Variants in KALRN observed in about 807,000 individuals in gnomAD.
KALRN encodes kalirin RhoGEF kinase.
In KALRN, 70 loss-of-function variants were observed where a neutral mutation model predicts 353.7. The observed-to-expected ratio is 0.20, with a 90% CI of 0.16 to 0.24. The LOEUF is 0.24. Ranked by LOEUF, KALRN falls within the 10% of genes least tolerant of loss-of-function variation. KALRN has a pLI of 1.00. For synonymous variants in KALRN, 1,391 were observed against 1,434.8 expected (o/e 0.97, Z 0.69); for missense variants, 2,791 against 3,756.7 (o/e 0.74, Z 6.72).
At chr3:124,425,526 G>A (rs1010276276) in intron 15 of KALRN, among the ~76,000 whole-genome samples, 3 of 152,186 alleles carry the variant, frequency 2.0e-5, no homozygotes, top group Non-Finnish European at 4.4e-5. Context: ...ACCTGTCTGA[G>A]GTCAGCAGGG....
chr3:124,433,914 G>T (rs1415266178), intron 16 of KALRN, among the ~76,000 whole-genome samples: 1 of 152,156 alleles, frequency 6.6e-6, no homozygotes, highest in African/African-American at 2.4e-5. Context: ...AAATGGGACT[G>T]CAGTAGTAAC....
chr3:124,041,404 A>G (rs1047731264), intron 1 of KALRN, among the ~76,000 whole-genome samples: 3 of 152,020 alleles, frequency 2.0e-5, no homozygotes, highest in Admixed American at 1.3e-4. Context: ...TCCAAATTGA[A>G]CATTCTATTA....
chr3:124,082,427 T>G, intron 1 of KALRN: 2 of 387,962 alleles, frequency 5.2e-6, no homozygotes, highest in South Asian at 4.0e-5. Flanking sequence ...TTCTCCAGAA[T>G]CCCACAGCTG....
At chr3:124,633,639 GTGT>G (rs771219449) in intron 35 of KALRN, among the ~76,000 whole-genome samples, 24,578 of 64,822 alleles carry the variant, frequency 0.38, 2,502 homozygotes, top group East Asian at 0.54. Flanking sequence ...TTTTGGGGGT[GTGT>G]GTGTGTGTGT....
intron 1 of KALRN, among the ~76,000 whole-genome samples, chr3:124,111,112 G>A (rs1447567739): frequency 6.6e-6 from 1 of 152,068 alleles, no homozygotes; most frequent in Non-Finnish European, 1.5e-5. Flanking sequence ...AAATATAAAT[G>A]ATTGTCCTCA....
intron 43 of KALRN, 59 bp from the exon 44 acceptor site, chr3:124,660,864 C>T: frequency 2.5e-6 from 3 of 1,201,806 alleles, no homozygotes; most frequent in Non-Finnish European, 3.7e-6. Flanking sequence ...AGTTTTTTCC[C>T]AGCTATTTTA....
chr3:124,259,856 G>T (rs190430574), intron 3 of KALRN, among the ~76,000 whole-genome samples: 213 of 152,254 alleles, frequency 1.4e-3, no homozygotes, highest in Non-Finnish European at 2.0e-3. Context: ...GGTTTAAATA[G>T]GGTTGTCCAT....
intron 33 of KALRN, among the ~76,000 whole-genome samples, chr3:124,523,778 G>A (rs918465381): frequency 6.6e-6 from 1 of 152,114 alleles, no homozygotes; most frequent in African/African-American, 2.4e-5. Context: ...TGTCTGCACT[G>A]TCTCCTCTTG....
chr3:124,195,673 T>C (rs2075356630), intron 1 of KALRN, among the ~76,000 whole-genome samples: 1 of 152,190 alleles, frequency 6.6e-6, no homozygotes, highest in Non-Finnish European at 1.5e-5. Context: ...GAGCCTATCT[T>C]TGCTTCCACT....
chr3:124,647,229 T>G (rs1404978882), intron 37 of KALRN, among the ~76,000 whole-genome samples: 2 of 152,140 alleles, frequency 1.3e-5, no homozygotes, highest in Non-Finnish European at 1.5e-5. Flanking sequence ...CTTAATACCA[T>G]GCAGACAGGT....
chr3:124,707,385 G>T (rs2062675263), intron 57 of KALRN, among the ~76,000 whole-genome samples: 1 of 150,952 alleles, frequency 6.6e-6, no homozygotes. Flanking sequence ...ATGACAAGGA[G>T]AATAGCAGTT....
At chr3:124,143,376 G>A (rs1344127643) in intron 1 of KALRN, among the ~76,000 whole-genome samples, 1 of 152,152 alleles carries the variant, frequency 6.6e-6, no homozygotes, top group Non-Finnish European at 1.5e-5. Flanking sequence ...CCAGTCTAAT[G>A]GGGCTTTAGG....
intron 34 of KALRN, among the ~76,000 whole-genome samples, chr3:124,567,975 AG>A (rs1186420502): frequency 9.8e-4 from 147 of 150,190 alleles, no homozygotes; most frequent in African/African-American, 2.9e-3. Flanking sequence ...ACTCTATCTC[AG>A]GGGGAAAAAA....
At chr3:124,375,291 T>C (rs903636047) in intron 10 of KALRN, among the ~76,000 whole-genome samples, 2 of 152,226 alleles carry the variant, frequency 1.3e-5, no homozygotes, top group African/African-American at 4.8e-5. Flanking sequence ...ACGCCTCATT[T>C]TGGTCTCCTA....
chr3:124,257,557 A>T (rs1560380915), intron 3 of KALRN, among the ~76,000 whole-genome samples: 2 of 152,270 alleles, frequency 1.3e-5, no homozygotes. Context: ...GTCATTTGGT[A>T]TACATTTATG....
intron 1 of KALRN, among the ~76,000 whole-genome samples, chr3:124,217,853 T>G (rs534777581): frequency 6.6e-6 from 1 of 152,208 alleles, no homozygotes; most frequent in Non-Finnish European, 1.5e-5. Flanking sequence ...CAAACCTGGT[T>G]GTTACTTTGG....
At chr3:124,551,953 G>T (rs942720858) in intron 33 of KALRN, among the ~76,000 whole-genome samples, 4 of 152,156 alleles carry the variant, frequency 2.6e-5, no homozygotes, top group Admixed American at 2.6e-4. Flanking sequence ...TAGCTATTAG[G>T]ATGCAATCTT....
intron 14 of KALRN, 55 bp downstream of exon 14, chr3:124,413,720 A>T: frequency 6.9e-7 from 1 of 1,439,228 alleles, no homozygotes; most frequent in Non-Finnish European, 9.7e-7. Flanking sequence ...CAAGCATACC[A>T]TCTAGCCTGC....
At chr3:124,302,325 G>A (rs1187071175) in intron 6 of KALRN, among the ~76,000 whole-genome samples, 1 of 152,166 alleles carries the variant, frequency 6.6e-6, no homozygotes, top group African/African-American at 2.4e-5. Context: ...GGAAGAGTAA[G>A]GGATGTTAGG....
Sources: gnomAD v4.1 joint callset for allele counts (sites outside exome capture counted in the v4.1 genomes callset) on GRCh38, gnomAD v4.1.1 for gene constraint, MANE v1.5 for transcripts, NCBI Gene and HGNC (gene_info 2026-07-23, HGNC 2026-07-21) for gene names.